The following AKAP13 variants were observed in gnomAD, a reference collection of about 807,000 sequenced individuals.
AKAP13 encodes the protein A-kinase anchoring protein 13.
In AKAP13, 80 loss-of-function variants were observed where a neutral mutation model predicts 264.5. The observed-to-expected ratio is 0.30, with a 90% confidence interval of 0.25 to 0.36. The LOEUF (loss-of-function observed/expected upper bound fraction) is 0.36. Ranked by LOEUF, AKAP13 falls within the 10% of genes least tolerant of loss-of-function variation. The pLI, the probability that AKAP13 is intolerant of heterozygous loss-of-function variation, is 1.00. For synonymous variants in AKAP13, 1,380 were observed against 1,250.2 expected (o/e 1.10, Z -2.19); for missense variants, 3,712 against 3,435.2 (o/e 1.08, Z -2.01).
intron 4 of AKAP13, chr15:85,534,433 T>G (rs2077327702): frequency 6.5e-6 from 1 of 152,748 alleles, no homozygotes; most frequent in Admixed American, 6.5e-5. Flanking sequence ...ACTTTTTGTT[T>G]GTTTTTTGTT....
At chr15:85,462,429 T>C (rs1393923626) in intron 1 of AKAP13, among the ~76,000 whole-genome samples, 1 of 152,168 alleles carries the variant, frequency 6.6e-6, no homozygotes, top group Non-Finnish European at 1.5e-5. Flanking sequence ...TTTAGCTACC[T>C]GGTAAAACAA....
Position 85,747,771 on chromosome 15 carries a change from T to G in AKAP13, c.*3094T>G, listed in dbSNP as rs1357670312. ...ATTCCCTCTACCCCCGTGAGAGCTA[T>G]CTGGGGGGAAGAATCCTTACCAAGG... On this transcript the variant is annotated 3_prime_UTR_variant, in exon 37 of 37. Transcript: ENST00000394518. The G allele has an allele frequency of 6.5e-6, 1 of 152,742 alleles. No individual in the cohort carries two copies. Among genetic ancestry groups the G allele is most frequent in the Non-Finnish European group, 1.5e-5 (1 of 68,040 alleles). The allele number at this position is 152,742 out of a possible 1,614,324, so 9.5% of individuals were successfully genotyped here.
intron 1 of AKAP13, among the ~76,000 whole-genome samples, chr15:85,420,574 C>T (rs769197949): frequency 6.6e-6 from 1 of 152,000 alleles, no homozygotes; most frequent in Non-Finnish European, 1.5e-5. Flanking sequence ...AAACTCTTAC[C>T]CTAATTGGGA....
intron 1 of AKAP13, among the ~76,000 whole-genome samples, chr15:85,432,603 G>A (rs1167568617): frequency 6.6e-6 from 1 of 152,104 alleles, no homozygotes; most frequent in Non-Finnish European, 1.5e-5. Flanking sequence ...TTTGTTATCT[G>A]AAAAAGACCT....
chr15:85,502,419 G>A (rs1287614932), intron 2 of AKAP13, among the ~76,000 whole-genome samples: 1 of 152,198 alleles, frequency 6.6e-6, no homozygotes, highest in Non-Finnish European at 1.5e-5. Context: ...AAGCAGTTAA[G>A]TATGTCATTC....
intron 8 of AKAP13, among the ~76,000 whole-genome samples, chr15:85,592,240 T>C (rs1012573004): frequency 2.6e-5 from 4 of 152,184 alleles, no homozygotes; most frequent in Admixed American, 6.5e-5. Flanking sequence ...TGGAACACTC[T>C]GTTTTCTTTC....
At chr15:85,532,265 T>G (rs992840767) in intron 3 of AKAP13, among the ~76,000 whole-genome samples, 1 of 152,212 alleles carries the variant, frequency 6.6e-6, no homozygotes, top group Non-Finnish European at 1.5e-5. Flanking sequence ...TGTGGAAAAT[T>G]AACTTACTTA....
intron 5 of AKAP13, among the ~76,000 whole-genome samples, chr15:85,572,439 A>C (rs993175530): frequency 6.6e-6 from 1 of 152,176 alleles, no homozygotes; most frequent in Non-Finnish European, 1.5e-5. Flanking sequence ...GTATTTTACA[A>C]GTGCTTTTCT....
At chr15:85,448,133 C>CT (rs1165622594) in intron 1 of AKAP13, among the ~76,000 whole-genome samples, 1 of 151,930 alleles carries the variant, frequency 6.6e-6, no homozygotes, top group African/African-American at 2.4e-5. Flanking sequence ...TGATATTGAG[C>CT]TTTTTTTTCA....
At chr15:85,414,793 T>C (rs761909634) in intron 1 of AKAP13, among the ~76,000 whole-genome samples, 3 of 152,266 alleles carry the variant, frequency 2.0e-5, no homozygotes, top group African/African-American at 4.8e-5. Context: ...GGAGAGACCA[T>C]TGACATTTGC....
rs756780436 is a variant in AKAP13 at position 85,580,999 on chromosome 15, A to C, written c.2931A>C (p.Ala977=). ...SISADCAKDK[A]LQLSNSPGAS... ...CAGCTGACTGTGCCAAGGACAAAGC[A>C]CTTCAGCTAAGTAATTCACCGGGTG... Residue 977 remains alanine (A), a synonymous_variant, in exon 7 of 37, where the codon GCA becomes GCC. Transcript: ENST00000394518. 1.2e-6 allele frequency: 2 copies of C among 1,613,918 alleles called. No homozygotes were observed. Among genetic ancestry groups the C allele is most frequent in the Non-Finnish European group, 8.5e-7 (1 of 1,179,848 alleles).
intron 33 of AKAP13, among the ~76,000 whole-genome samples, chr15:85,739,484 T>A (rs145475218): frequency 3.2e-4 from 48 of 152,348 alleles, no homozygotes; most frequent in Admixed American, 1.0e-3. Flanking sequence ...GTCATAATGT[T>A]CTATGAGAGC....
chr15:85,578,991 C>T lies in AKAP13; in HGVS notation c.923C>T (p.Ser308Phe). ...TTAATGATGACAGCACAGGATCCTTCCAGTGCCCCAGAGACAGATGGCCAG... is the reference window on the plus strand; with the variant it reads ...TTAATGATGACAGCACAGGATCCTTTCAGTGCCCCAGAGACAGATGGCCAG... ...MPLMMTAQDP[S>F]SAPETDGQFL... The change falls in exon 7 of 37, where the codon TCC (serine) becomes TTC (phenylalanine). Residue 308 changes from serine to phenylalanine, a missense_variant. This residue lies in a region of AKAP13 where 2,759 missense variants were observed against 2,411.7 expected (regional missense o/e 1.14). Coordinates refer to ENST00000394518, the MANE Select transcript of AKAP13 (RefSeq NM_007200.5). 1 of 1,614,082 alleles carries T rather than the reference C, an allele frequency of 6.2e-7. No individual in the cohort carries two copies. Among genetic ancestry groups the T allele is most frequent in the Non-Finnish European group, 8.5e-7 (1 of 1,180,034 alleles).
At chr15:85,507,658 C>T (rs2076277856) in intron 2 of AKAP13, among the ~76,000 whole-genome samples, 1 of 152,186 alleles carries the variant, frequency 6.6e-6, no homozygotes, top group African/African-American at 2.4e-5. Flanking sequence ...TTTAGTCAAC[C>T]AATTTGGATG....
chr15:85,599,046 T>A (rs184754137), intron 8 of AKAP13, among the ~76,000 whole-genome samples: 1 of 152,220 alleles, frequency 6.6e-6, no homozygotes, highest in Non-Finnish European at 1.5e-5. Flanking sequence ...GTTTCCCTAA[T>A]GGGATGATGG....
At chr15:85,668,446 C>T (rs2151559958) in intron 13 of AKAP13, among the ~76,000 whole-genome samples, 1 of 152,296 alleles carries the variant, frequency 6.6e-6, no homozygotes, top group East Asian at 1.9e-4. Context: ...GGAACTTCTG[C>T]AGGTGGTTGG....
intron 8 of AKAP13, among the ~76,000 whole-genome samples, chr15:85,630,204 CACACAT>C (rs2081659658): frequency 3.0e-5 from 2 of 66,856 alleles, no homozygotes; most frequent in African/African-American, 1.1e-4. Context: ...CACACACACA[CACACAT>C]CATGAACTAA....
chr15:85,558,656 G>A (rs904623581), intron 5 of AKAP13, among the ~76,000 whole-genome samples: 5 of 152,124 alleles, frequency 3.3e-5, no homozygotes, highest in Non-Finnish European at 7.3e-5. Flanking sequence ...CCATTAAGTT[G>A]GAAGCTTGTT....
chr15:85,635,605 G>T (rs1393421346), intron 8 of AKAP13, among the ~76,000 whole-genome samples: 1 of 151,936 alleles, frequency 6.6e-6, no homozygotes, highest in Non-Finnish European at 1.5e-5. Flanking sequence ...TTTAAAAAAT[G>T]TACTATTTAA....
Sources: allele counts gnomAD v4.1 joint callset (sites outside exome capture counted in the v4.1 genomes callset), GRCh38; gene constraint gnomAD v4.1.1; regional missense constraint gnomAD v4.1.1; transcripts MANE v1.5; gene names NCBI Gene and HGNC (gene_info 2026-07-23, HGNC 2026-07-21).